The following XPO4 variants were observed in gnomAD, a reference collection of about 807,000 sequenced individuals.
XPO4 encodes exportin 4.
In XPO4, 39 loss-of-function variants were observed where a neutral mutation model predicts 143.0. That is an observed-to-expected ratio of 0.27 (90% CI 0.21 to 0.36). The LOEUF is 0.36. Ranked by LOEUF, XPO4 falls within the 10% of genes least tolerant of loss-of-function variation. XPO4 has a pLI of 1.00. For missense variants in XPO4, 907 were observed against 1,348.0 expected, an observed-to-expected ratio of 0.67 and a Z score of 5.12; for synonymous variants, 439 against 474.0, an observed-to-expected ratio of 0.93 and a Z score of 0.96.
At chr13:20,800,396 A>G (rs2059416450) in intron 14 of XPO4, 71 bp from the exon 15 acceptor site, 2 of 1,459,506 alleles carry the variant, frequency 1.4e-6, no homozygotes, top group Non-Finnish European at 1.9e-6. Flanking sequence ...ACAGAGAAAA[A>G]TCGAACTGAA....
At chr13:20,855,796 T>C (rs2060137637) in intron 3 of XPO4, 31 bp from the exon 4 acceptor site, 1 of 1,550,332 alleles carries the variant, frequency 6.5e-7, no homozygotes, top group Admixed American at 2.1e-5. Context: ...TGTGAAAAAT[T>C]TACCTAAATC....
rs1281924183 is a variant in XPO4 at position 20,834,645 on chromosome 13, T to A, written c.728-7466A>T. Among the ~76,000 whole-genome samples the A allele has an allele frequency of 1.7e-4, 25 of 144,340 alleles. No individual in the cohort carries two copies. The East Asian group carries it at 3.4e-3, about 19-fold the overall frequency. The allele number at this position is 144,340 out of a possible 152,430, so 94.7% of individuals were successfully genotyped here. On this transcript the variant is annotated intron_variant, in intron 6 of 22. Coordinates refer to ENST00000255305, the MANE Select transcript of XPO4 (RefSeq NM_022459.5). The stretch of plus-strand genomic sequence containing the variant: ...AACTATAAAACAGTGTTGAAAGAAA[T>A]AAAAAAAAAAAACCTTTAATAAATA...
chr13:20,902,603 G>A, intron 1 of XPO4, 67 bp downstream of exon 1: 1 of 1,488,516 alleles, frequency 6.7e-7, no homozygotes, highest in Non-Finnish European at 9.0e-7. Flanking sequence ...CGAGCAGCAA[G>A]GCCTGGAGTG....
chr13:20,790,372 T>C, intron 19 of XPO4, 90 bp downstream of exon 19: 1 of 1,051,566 alleles, frequency 9.5e-7, no homozygotes, highest in Non-Finnish European at 1.5e-6. Context: ...ATACAACTAC[T>C]AAATTAAATC....
chr13:20,892,150 G>A (rs1287433966), intron 1 of XPO4, among the ~76,000 whole-genome samples: 2 of 151,722 alleles, frequency 1.3e-5, no homozygotes, highest in African/African-American at 2.4e-5. Flanking sequence ...GCAGTGGCAC[G>A]ATCTTGGCTC....
chr13:20,876,322 C>T (rs1045328861), intron 1 of XPO4, among the ~76,000 whole-genome samples: 2 of 146,052 alleles, frequency 1.4e-5, no homozygotes, highest in Non-Finnish European at 3.0e-5. Context: ...AATCTAAACA[C>T]GTATGAAGAC....
At position 20,867,334 on chromosome 13, in the gene XPO4, ACAG is replaced by A. The variant is rs1247098491; in HGVS notation, c.175+1259_175+1261del. Among the ~76,000 whole-genome samples, 21 of 152,340 alleles carry A rather than the reference ACAG, an allele frequency of 1.4e-4. No individual in the cohort carries two copies. In the East Asian group the frequency reaches 3.7e-3, roughly 27 times the overall value. ...CCACTGCTGCTAGTTCCTTGCAAACACAGAACACAGCATTTTTAAAGCCGATTA... is the reference window on the plus strand; with the variant it reads ...CCACTGCTGCTAGTTCCTTGCAAACAAACACAGCATTTTTAAAGCCGATTA... On this transcript the variant is annotated intron_variant, in intron 2 of 22. Transcript: ENST00000255305.
intron 1 of XPO4, among the ~76,000 whole-genome samples, chr13:20,874,310 T>C (rs1415066243): frequency 6.6e-6 from 1 of 152,120 alleles, no homozygotes; most frequent in Admixed American, 6.5e-5. Flanking sequence ...AAAGAACACA[T>C]GTTCAACTCA....
At position 20,831,804 on chromosome 13, in the gene XPO4, A is replaced by ATTTT. The variant is rs34302388; in HGVS notation, c.728-4629_728-4626dup. ...AAGAATCAGGACATTTAGTACAGTGATTTTTTTTTTTTTTTTTTTTTTTTG... is the reference window on the plus strand; with the variant it reads ...AAGAATCAGGACATTTAGTACAGTGATTTTTTTTTTTTTTTTTTTTTTTTTTTTG... On this transcript the variant is annotated intron_variant, in intron 6 of 22. Transcript: ENST00000255305. 1.3e-3 allele frequency among the ~76,000 whole-genome samples: 117 copies of ATTTT among 88,746 alleles called. 1 individual carries two copies. The highest frequency in any genetic ancestry group is 3.3e-3 in the African/African-American group (75 of 22,872). The allele number at this position is 88,746 out of a possible 152,430, so 58.2% of individuals were successfully genotyped here.
intron 1 of XPO4, 101 bp from the exon 2 acceptor site, chr13:20,868,802 G>C (rs182691080): frequency 2.0e-6 from 2 of 1,024,146 alleles, no homozygotes; most frequent in African/African-American, 1.7e-5. Context: ...TTCACTTTTG[G>C]GGGGCAAGAG....
At position 20,868,694 on chromosome 13, in the gene XPO4, G is replaced by A. The variant is rs766417417; in HGVS notation, c.77C>T (p.Pro26Leu). The A allele has an allele frequency of 1.9e-6, 3 of 1,612,262 alleles. No individual in the cohort carries two copies. Among genetic ancestry groups the A allele is most frequent in the Non-Finnish European group, 2.5e-6 (3 of 1,179,250 alleles). The change falls in exon 2 of 23, where the codon CCT becomes CTT. Residue 26 changes from proline (P) to leucine (L), a missense_variant. By Grantham distance (98) the Pro-to-Leu change is moderately conservative. Coordinates refer to ENST00000255305, the MANE Select transcript of XPO4 (RefSeq NM_022459.5). ...GCGTTGTTCATTATTGACCATGGAA[G>A]GTGGTGCCTTGAGAGTTAAAGACAA... The part of the protein sequence containing the change: ...ENAAKVLMAP[P>L]SMVNNEQRQH...
intron 6 of XPO4, among the ~76,000 whole-genome samples, chr13:20,832,357 C>T (rs2059863335): frequency 6.6e-6 from 1 of 152,194 alleles, no homozygotes; most frequent in Admixed American, 6.5e-5. Flanking sequence ...TCCACTAACA[C>T]TTTCAGTAAG....
intron 19 of XPO4, 100 bp from the exon 20 acceptor site, chr13:20,788,716 A>T (rs2059239557): frequency 8.4e-7 from 1 of 1,185,364 alleles, no homozygotes; most frequent in African/African-American, 1.6e-5. Context: ...TCTAAATATA[A>T]TGATTTCTTT....
At chr13:20,857,028 AAT>A (rs1171946425) in intron 3 of XPO4, 8 of 322,416 alleles carry the variant, frequency 2.5e-5, no homozygotes, top group Middle Eastern at 1.5e-3. Context: ...CAGATGAATA[AAT>A]ATGTCTCCCT....
At chr13:20,849,083 A>T in intron 4 of XPO4, 1 of 985,462 alleles carries the variant, frequency 1.0e-6, no homozygotes, top group Non-Finnish European at 1.2e-6. Flanking sequence ...TCACAAGCCC[A>T]AGATACTCAA....
intron 9 of XPO4, among the ~76,000 whole-genome samples, chr13:20,812,343 A>G (rs1006874602): frequency 5.3e-5 from 8 of 152,168 alleles, no homozygotes; most frequent in Non-Finnish European, 1.0e-4. Context: ...ACAGTATGGC[A>G]GATCATTGAG....
At chr13:20,805,626 C>T (rs1566570617) in intron 13 of XPO4, among the ~76,000 whole-genome samples, 1 of 152,224 alleles carries the variant, frequency 6.6e-6, no homozygotes, top group Admixed American at 6.5e-5. Context: ...ACAACTACAA[C>T]AATCCCTACT....
At chr13:20,902,188 T>C in intron 1 of XPO4, 1 of 985,342 alleles carries the variant, frequency 1.0e-6, no homozygotes, top group South Asian at 4.7e-5. Flanking sequence ...GGTGGCTGCA[T>C]GTCAGGGAAG....
At chr13:20,827,620 C>CT (rs2059800534) in intron 6 of XPO4, among the ~76,000 whole-genome samples, 1 of 151,940 alleles carries the variant, frequency 6.6e-6, no homozygotes, top group African/African-American at 2.4e-5. Flanking sequence ...GGAAAAATAG[C>CT]ATTTTTCCAG....
Sources: allele counts gnomAD v4.1 joint callset (sites outside exome capture counted in the v4.1 genomes callset), GRCh38; gene constraint gnomAD v4.1.1; transcripts MANE v1.5; gene names NCBI Gene and HGNC (gene_info 2026-07-23, HGNC 2026-07-21).